GDF6: variants seen among roughly 807,000 people sequenced by gnomAD.
The protein encoded by GDF6 is growth differentiation factor 6.
GDF6 carries 3 observed loss-of-function variants against 32.4 expected under a neutral mutation model. The ratio of observed to expected loss-of-function variants is 0.09; its 90% CI spans 0.04 to 0.24. The LOEUF is 0.24. Among genes scored for constraint, GDF6 ranks in the 10% least tolerant of loss-of-function variants. GDF6 has a pLI of 1.00. For synonymous variants in GDF6, 296 were observed against 295.3 expected, an observed-to-expected ratio of 1.00 and a Z score of -0.03; for missense variants, 589 against 637.9, an observed-to-expected ratio of 0.92 and a Z score of 0.83.
rs565454352 is a variant in GDF6, at chr8:96,159,434, T to G, written c.406+853A>C. Among the ~76,000 whole-genome samples, 118 of 152,238 alleles carry G rather than the reference T, an allele frequency of 7.8e-4. 1 individual carries two copies. Among genetic ancestry groups the G allele is most frequent in the Non-Finnish European group, 1.2e-3 (81 of 68,014 alleles). On this transcript the variant is annotated intron_variant, in intron 1 of 1. Transcript: ENST00000287020. ...AAGGGTTTCCGCAGACACCCACACA[T>G]GCAGGCGTTCCCACAGAGGGTACCA...
intron 1 of GDF6, among the ~76,000 whole-genome samples, chr8:96,150,810 G>A (rs979157972): frequency 6.6e-6 from 1 of 152,260 alleles, no homozygotes; most frequent in Non-Finnish European, 1.5e-5. Flanking sequence ...TTCATCATTA[G>A]TGTAATCAAG....
intron 1 of GDF6, among the ~76,000 whole-genome samples, chr8:96,150,218 C>T (rs933044547): frequency 3.3e-5 from 5 of 152,204 alleles, no homozygotes; most frequent in African/African-American, 1.2e-4. Flanking sequence ...TTCCTCCGCG[C>T]GCACCTGGCT....
rs121909354 is a variant in GDF6 at position 96,160,568 on chromosome 8, C to A, written c.125G>T (p.Gly42Val). 292 of 1,613,674 alleles carry A rather than the reference C, an allele frequency of 1.8e-4. 2 individuals are homozygous for A. In the African/African-American group the frequency reaches 3.2e-3, roughly 18 times the overall value. Reference sequence around the variant, plus strand: ...CTTGCCTTCCTTGCGGCTTCGCATGCCCTTGGTGGAACCCAGCTCGGCGGA... The same window carrying A: ...CTTGCCTTCCTTGCGGCTTCGCATGACCTTGGTGGAACCCAGCTCGGCGGA... ...SSSAELGSTK[G>V]MRSRKEGKMQ... is the part of the protein sequence containing the mutation. The change falls in exon 1 of 2, where the codon GGC becomes GTC. Residue 42 changes from glycine to valine, a missense_variant. Gly to Val is a moderately radical substitution (Grantham distance 109, BLOSUM62 -3). Coordinates refer to ENST00000287020, the MANE Select transcript of GDF6 (RefSeq NM_001001557.4).
intron 1 of GDF6, among the ~76,000 whole-genome samples, chr8:96,146,339 C>CTTTTTT (rs33978005): frequency 1.4e-5 from 2 of 146,540 alleles, no homozygotes; most frequent in Non-Finnish European, 3.0e-5. Flanking sequence ...TTATTGTTTG[C>CTTTTTT]TTTTTTTTTT....
intron 1 of GDF6, among the ~76,000 whole-genome samples, chr8:96,153,215 CAG>C (rs1445291456): frequency 3.9e-5 from 6 of 152,244 alleles, no homozygotes; most frequent in Non-Finnish European, 8.8e-5. Flanking sequence ...GAGGATGAAA[CAG>C]ATTCATTTAC....
intron 1 of GDF6, among the ~76,000 whole-genome samples, chr8:96,149,954 CAG>C (rs1812540329): frequency 6.6e-6 from 1 of 152,234 alleles, no homozygotes; most frequent in Admixed American, 6.5e-5. Context: ...ACTCCAGCCC[CAG>C]AGCCTTCTGC....
Position 96,143,671 on chromosome 8 carries a change from C to T in GDF6, c.*892G>A, listed in dbSNP as rs1336322844. On this transcript the variant is annotated 3_prime_UTR_variant, in exon 2 of 2. Coordinates refer to ENST00000287020, the MANE Select transcript of GDF6 (RefSeq NM_001001557.4). ...ACCTCCAGCCTGGGCTAATGCACCTCCGTGTCAGCCCCAGTCAGAGGCAGG... is the reference window on the plus strand; with the variant it reads ...ACCTCCAGCCTGGGCTAATGCACCTTCGTGTCAGCCCCAGTCAGAGGCAGG... The T allele has an allele frequency of 6.5e-6, 1 of 152,684 alleles. No individual in the cohort carries two copies. The highest frequency in any genetic ancestry group is 1.5e-5 in the Non-Finnish European group (1 of 68,066). The allele number at this position is 152,684 out of a possible 1,614,324, so 9.5% of individuals were successfully genotyped here.
chr8:96,145,198 C>T lies in GDF6; in HGVS notation c.733G>A (p.Ala245Thr), dbSNP rs780178598. 6 of 1,500,292 alleles carry T rather than the reference C, an allele frequency of 4.0e-6. No individual in the cohort carries two copies. Among genetic ancestry groups the T allele is most frequent in the Non-Finnish European group, 5.3e-6 (6 of 1,132,434 alleles). The allele number at this position is 1,500,292 out of a possible 1,614,324, so 92.9% of individuals were successfully genotyped here. Residue 245 changes from alanine (A) to threonine (T), a missense_variant, in exon 2 of 2, where the codon GCC becomes ACC. Transcript: ENST00000287020. The surrounding 1 kb of genome is among the most constrained non-coding windows in gnomAD (Gnocchi z 5.6). ...TGGGGTCCCCGCGCGCGCGCCTCGG[C>T]CTCCCCGGCGTCCAGCTCGCCCCAT... ...AAWGELDAGEAEARARGPQQP... is the reference protein window; with the variant it reads ...AAWGELDAGETEARARGPQQP...
chr8:96,144,547 G>A lies in GDF6; in HGVS notation c.*16C>T, dbSNP rs747321915. 3.1e-6 allele frequency: 5 copies of A among 1,612,624 alleles called. No homozygotes were observed. The African/African-American group carries it at 5.3e-5, about 17-fold the overall frequency. ...GCCCACCTTGGTTCCGGGCCAAGGC[G>A]GCGGGAAAGGCACCGCTACCTGCAG... On this transcript the variant is annotated 3_prime_UTR_variant, in exon 2 of 2. Coordinates refer to ENST00000287020, the MANE Select transcript of GDF6 (RefSeq NM_001001557.4). The surrounding 1 kb of genome is among the most constrained non-coding windows in gnomAD (Gnocchi z 5.1).
At chr8:96,149,691 G>C (rs1812536030) in intron 1 of GDF6, among the ~76,000 whole-genome samples, 1 of 152,164 alleles carries the variant, frequency 6.6e-6, no homozygotes. Context: ...AGAAGGAATG[G>C]TACCTATTTG....
intron 1 of GDF6, among the ~76,000 whole-genome samples, chr8:96,149,851 C>G (rs1812537888): frequency 6.6e-6 from 1 of 151,634 alleles, no homozygotes; most frequent in African/African-American, 2.4e-5. Context: ...CGCCAAAGGC[C>G]AGACGCCCGG....
chr8:96,154,932 C>T (rs1231920524), intron 1 of GDF6, among the ~76,000 whole-genome samples: 3 of 152,174 alleles, frequency 2.0e-5, no homozygotes, highest in Non-Finnish European at 4.4e-5. Context: ...GCCTCCGATG[C>T]AGTGCCCTGC....
rs1812454987 is a variant in GDF6 at position 96,145,200 on chromosome 8, T to TCCCCGGCGTCCAGCTCGCCCC, written c.710_730dup (p.Gly243_Glu244insGlyGlyGluLeuAspAlaGly). On this transcript the variant is annotated inframe_insertion, in exon 2 of 2. Transcript: ENST00000287020. The surrounding 1 kb of genome is among the most constrained non-coding windows in gnomAD (Gnocchi z 5.6). ...GGGTCCCCGCGCGCGCGCCTCGGCCTCCCCGGCGTCCAGCTCGCCCCATGC... is the reference window on the plus strand; with the variant it reads ...GGGTCCCCGCGCGCGCGCCTCGGCCTCCCCGGCGTCCAGCTCGCCCCCCCCGGCGTCCAGCTCGCCCCATGC... The TCCCCGGCGTCCAGCTCGCCCC allele has an allele frequency of 6.7e-7, 1 of 1,499,906 alleles. No homozygotes were observed. The highest frequency in any genetic ancestry group is 1.5e-5 in the African/African-American group (1 of 68,814). 92.9% of individuals were successfully genotyped at this position (1,499,906 alleles called of 1,614,324 possible).
intron 1 of GDF6, among the ~76,000 whole-genome samples, chr8:96,159,302 C>T (rs1812720681): frequency 6.6e-6 from 1 of 152,060 alleles, no homozygotes; most frequent in African/African-American, 2.4e-5. Context: ...GCTTAGTTTC[C>T]GATGCCTGTG....
At chr8:96,158,755 G>T (rs1191933546) in intron 1 of GDF6, among the ~76,000 whole-genome samples, 2 of 152,154 alleles carry the variant, frequency 1.3e-5, no homozygotes, top group East Asian at 3.9e-4. Context: ...CGAGCTGCAC[G>T]GGCAGCACGG....
At chr8:96,150,654 C>G (rs114162763) in intron 1 of GDF6, among the ~76,000 whole-genome samples, 1 of 152,242 alleles carries the variant, frequency 6.6e-6, no homozygotes, top group African/African-American at 2.4e-5. Context: ...GTTGAAGGTC[C>G]TAATTCCAAG....
At chr8:96,159,140 A>T (rs1186561680) in intron 1 of GDF6, among the ~76,000 whole-genome samples, 1 of 152,232 alleles carries the variant, frequency 6.6e-6, no homozygotes, top group African/African-American at 2.4e-5. Context: ...GGTCAAAGTC[A>T]TGGAGCTAAG....
intron 1 of GDF6, among the ~76,000 whole-genome samples, chr8:96,156,462 A>G (rs1812667589): frequency 7.1e-6 from 1 of 141,092 alleles, no homozygotes; most frequent in Non-Finnish European, 1.5e-5. Flanking sequence ...TCTATCTCTC[A>G]GCCCTGCTAA....
At chr8:96,147,142 G>T (rs915845389) in intron 1 of GDF6, among the ~76,000 whole-genome samples, 5 of 152,160 alleles carry the variant, frequency 3.3e-5, no homozygotes, top group Non-Finnish European at 5.9e-5. Context: ...GATGTAGCCC[G>T]GGGGCACTGG....
Sources: allele counts gnomAD v4.1 joint callset (sites outside exome capture counted in the v4.1 genomes callset), GRCh38; gene constraint gnomAD v4.1.1; non-coding constraint Gnocchi (gnomAD v3.1); transcripts MANE v1.5; gene names NCBI Gene and HGNC (gene_info 2026-07-23, HGNC 2026-07-21).